QTGAL: variants seen among roughly 807,000 people sequenced by gnomAD.
QTGAL encodes BGnT-like protein 1.
At chr17:83,010,521 C>T in the QTGAL span, among the ~76,000 whole-genome samples, 4 of 152,338 alleles carry the variant, frequency 2.6e-5, no homozygotes, top group East Asian at 5.8e-4. Flanking sequence ...AGTCACACAC[C>T]GGTCTGGGCA....
chr17:83,043,043 G>A, the QTGAL span, among the ~76,000 whole-genome samples: 1 of 152,216 alleles, frequency 6.6e-6, no homozygotes, highest in Non-Finnish European at 1.5e-5. Context: ...GGCAAAGATT[G>A]ACTGAATTGG....
chr17:82,957,757 G>A, the QTGAL span, among the ~76,000 whole-genome samples: 2 of 152,186 alleles, frequency 1.3e-5, no homozygotes, highest in Admixed American at 6.5e-5. Flanking sequence ...GAATCTAGAA[G>A]GTTCTGGAAG....
chr17:82,991,663 T>C, the QTGAL span, among the ~76,000 whole-genome samples: 2 of 151,990 alleles, frequency 1.3e-5, no homozygotes, highest in East Asian at 3.9e-4. Flanking sequence ...CAGATGAACA[T>C]CCATAAGCAT....
the QTGAL span, chr17:82,965,641 C>T: frequency 2.1e-5 from 34 of 1,597,094 alleles, no homozygotes; most frequent in Middle Eastern, 1.7e-4. Flanking sequence ...TTCCCGCCTT[C>T]GGCCCTTACC....
the QTGAL span, among the ~76,000 whole-genome samples, chr17:83,016,023 G>C: frequency 6.6e-6 from 1 of 152,160 alleles, no homozygotes; most frequent in African/African-American, 2.4e-5. Flanking sequence ...GTCGAGGTGG[G>C]GGCATGGGTG....
the QTGAL span, among the ~76,000 whole-genome samples, chr17:83,034,824 G>A: frequency 6.6e-6 from 1 of 152,316 alleles, no homozygotes; most frequent in South Asian, 2.1e-4. Flanking sequence ...CCGGACACAT[G>A]GAACTGTGAG....
At chr17:83,039,824 G>A in the QTGAL span, among the ~76,000 whole-genome samples, 30,861 of 152,188 alleles carry the variant, frequency 0.2, 3,286 homozygotes, top group Non-Finnish European at 0.24. Context: ...CTGAGCCCCA[G>A]GGCACTGCAG....
the QTGAL span, among the ~76,000 whole-genome samples, chr17:83,051,150 G>A: frequency 6.8e-6 from 1 of 146,158 alleles, no homozygotes; most frequent in South Asian, 2.2e-4. Flanking sequence ...TGGGGTGTGG[G>A]GCAGGTGTGC....
chr17:82,961,151 C>T, the QTGAL span: 160 of 1,607,726 alleles, frequency 1.0e-4, 2 homozygotes, highest in South Asian at 9.5e-4. Context: ...CTGAGGTGCT[C>T]GTAGAAGAAC....
At chr17:83,033,048 G>A in the QTGAL span, among the ~76,000 whole-genome samples, 1 of 152,248 alleles carries the variant, frequency 6.6e-6, no homozygotes, top group Admixed American at 6.5e-5. Flanking sequence ...GAGACGCTGA[G>A]CGGCACCCCA....
At chr17:82,955,912 A>C in the QTGAL span, among the ~76,000 whole-genome samples, 1 of 146,866 alleles carries the variant, frequency 6.8e-6, no homozygotes, top group Non-Finnish European at 1.5e-5. Flanking sequence ...AAAACCAAAC[A>C]CCGCATGTTC....
chr17:82,946,309 C>T, the QTGAL span, among the ~76,000 whole-genome samples: 1 of 152,172 alleles, frequency 6.6e-6, no homozygotes, highest in African/African-American at 2.4e-5. Flanking sequence ...TGACAAAGTT[C>T]TCCAGTTAAA....
the QTGAL span, among the ~76,000 whole-genome samples, chr17:83,046,265 G>T: frequency 6.6e-6 from 1 of 151,956 alleles, no homozygotes; most frequent in Admixed American, 6.6e-5. Context: ...AAGTGGCTGA[G>T]ATTACAGGTG....
the QTGAL span, among the ~76,000 whole-genome samples, chr17:83,000,064 G>A: frequency 6.6e-6 from 1 of 152,174 alleles, no homozygotes; most frequent in South Asian, 2.1e-4. Flanking sequence ...CTGGGTTCAA[G>A]CGATTCTCCT....
At chr17:82,959,552 G>A in the QTGAL span, among the ~76,000 whole-genome samples, 7 of 152,098 alleles carry the variant, frequency 4.6e-5, no homozygotes, top group South Asian at 1.2e-3. Context: ...GCCTCGCCGG[G>A]TTTTGGCATC....
At chr17:82,947,207 C>G in the QTGAL span, 12 of 521,626 alleles carry the variant, frequency 2.3e-5, no homozygotes, top group East Asian at 3.8e-4. Flanking sequence ...GGAGGCCCCC[C>G]CTGCCTTCTG....
At chr17:82,959,741 G>A in the QTGAL span, among the ~76,000 whole-genome samples, 7 of 152,126 alleles carry the variant, frequency 4.6e-5, no homozygotes, top group South Asian at 4.1e-4. Context: ...GGTTTGGGGG[G>A]CCTCTGACAC....
the QTGAL span, among the ~76,000 whole-genome samples, chr17:83,024,220 A>G: frequency 6.6e-5 from 10 of 152,144 alleles, no homozygotes; most frequent in African/African-American, 2.2e-4. Flanking sequence ...AAGAGCCCCC[A>G]GCGCAGGCCT....
the QTGAL span, chr17:83,014,328 C>T: frequency 9.6e-7 from 1 of 1,040,034 alleles, no homozygotes; most frequent in Non-Finnish European, 1.4e-6. Flanking sequence ...CCACAGATCC[C>T]TCTCCGTGAC....
Sources: allele counts gnomAD v4.1 joint callset (sites outside exome capture counted in the v4.1 genomes callset), GRCh38; gene constraint gnomAD v4.1.1; transcripts MANE v1.5; gene names NCBI Gene and HGNC (gene_info 2026-07-23, HGNC 2026-07-21).